The following ARB2A variants were observed in gnomAD, a reference collection of about 807,000 sequenced individuals.
ARB2A encodes cotranscriptional regulator ARB2A.
At chr5:93,764,485 C>T in the ARB2A span, among the ~76,000 whole-genome samples, 1 of 152,238 alleles carries the variant, frequency 6.6e-6, no homozygotes, top group African/African-American at 2.4e-5. Context: ...TACACCCTCC[C>T]AAGAATAAAC....
At chr5:93,778,473 A>G in the ARB2A span, among the ~76,000 whole-genome samples, 1 of 152,218 alleles carries the variant, frequency 6.6e-6, no homozygotes, top group Admixed American at 6.5e-5. Context: ...TTCAAAAATC[A>G]TGACTTCTAT....
At chr5:93,962,310 A>G in the ARB2A span, among the ~76,000 whole-genome samples, 1 of 152,156 alleles carries the variant, frequency 6.6e-6, no homozygotes, top group African/African-American at 2.4e-5. Context: ...CTACGTGAAA[A>G]TTTGTAGTGA....
the ARB2A span, among the ~76,000 whole-genome samples, chr5:94,064,955 C>T: frequency 6.6e-6 from 1 of 151,890 alleles, no homozygotes; most frequent in Admixed American, 6.6e-5. Context: ...CAAATGTTAC[C>T]ACTATAGAAA....
At chr5:93,916,735 A>G in the ARB2A span, among the ~76,000 whole-genome samples, 1 of 152,126 alleles carries the variant, frequency 6.6e-6, no homozygotes, top group Non-Finnish European at 1.5e-5. Flanking sequence ...ACAGCAAACT[A>G]GAGGAAACAT....
chr5:93,730,424 G>A, the ARB2A span, among the ~76,000 whole-genome samples: 1 of 151,808 alleles, frequency 6.6e-6, no homozygotes, highest in East Asian at 1.9e-4. Flanking sequence ...TATTTAGCAA[G>A]CAGACTGGTG....
At chr5:93,679,605 T>C in the ARB2A span, among the ~76,000 whole-genome samples, 1 of 152,066 alleles carries the variant, frequency 6.6e-6, no homozygotes, top group South Asian at 2.1e-4. Context: ...ATAGCTTAAG[T>C]TTAAAATAGT....
At chr5:94,080,745 G>T in the ARB2A span, among the ~76,000 whole-genome samples, 422 of 152,308 alleles carry the variant, frequency 2.8e-3, 3 homozygotes, top group African/African-American at 9.5e-3. Context: ...AGAGCTTGCT[G>T]CCAGGTTGGT....
the ARB2A span, among the ~76,000 whole-genome samples, chr5:93,713,624 C>G: frequency 6.6e-6 from 1 of 152,128 alleles, no homozygotes; most frequent in Non-Finnish European, 1.5e-5. Flanking sequence ...AATAACACTA[C>G]CACTGTGGAG....
the ARB2A span, among the ~76,000 whole-genome samples, chr5:94,013,173 GTTTTTTTTT>G: frequency 8.9e-6 from 1 of 112,540 alleles, no homozygotes. Context: ...TCAGTAAGTT[GTTTTTTTTT>G]TTTTTTTTTT....
the ARB2A span, among the ~76,000 whole-genome samples, chr5:93,681,882 G>GTT: frequency 2.6e-5 from 4 of 152,078 alleles, no homozygotes; most frequent in African/African-American, 9.7e-5. Context: ...ATACAGAGTG[G>GTT]TTTACAAAAA....
chr5:93,949,162 T>C, the ARB2A span, among the ~76,000 whole-genome samples: 1 of 152,066 alleles, frequency 6.6e-6, no homozygotes, highest in East Asian at 1.9e-4. Flanking sequence ...CTTTTTCTTT[T>C]AATTTTTGTA....
chr5:93,947,824 C>T, the ARB2A span, among the ~76,000 whole-genome samples: 13,602 of 150,442 alleles, frequency 0.09, 755 homozygotes, highest in Middle Eastern at 0.15. Context: ...ATTTCATCCA[C>T]GTCCCTACAA....
chr5:94,065,629 A>G, the ARB2A span, among the ~76,000 whole-genome samples: 1 of 152,206 alleles, frequency 6.6e-6, no homozygotes, highest in Non-Finnish European at 1.5e-5. Flanking sequence ...AAAAGAGACT[A>G]AGAAGGTCAT....
the ARB2A span, among the ~76,000 whole-genome samples, chr5:93,776,467 T>C: frequency 6.6e-6 from 1 of 152,244 alleles, no homozygotes; most frequent in Non-Finnish European, 1.5e-5. Context: ...CAACAAATCA[T>C]CTGTGCTGAT....
At chr5:93,820,455 G>C in the ARB2A span, among the ~76,000 whole-genome samples, 1 of 152,140 alleles carries the variant, frequency 6.6e-6, no homozygotes. Context: ...GTCAAAAACT[G>C]CATTGTTTTA....
the ARB2A span, among the ~76,000 whole-genome samples, chr5:94,011,880 AT>A: frequency 7.3e-6 from 1 of 137,292 alleles, no homozygotes; most frequent in African/African-American, 2.7e-5. Context: ...GGACAGAGTG[AT>A]TTAAAAAAAA....
At chr5:93,866,081 G>T in the ARB2A span, 1 of 983,972 alleles carries the variant, frequency 1.0e-6, no homozygotes, top group Non-Finnish European at 1.2e-6. Flanking sequence ...CCCAAATTCA[G>T]AGATGTTAAA....
At chr5:94,090,593 G>A in the ARB2A span, among the ~76,000 whole-genome samples, 80 of 152,230 alleles carry the variant, frequency 5.3e-4, no homozygotes, top group South Asian at 8.3e-4. Context: ...GGGCATCCTT[G>A]TCTTGTGCCA....
At chr5:93,713,442 G>A in the ARB2A span, among the ~76,000 whole-genome samples, 4 of 151,862 alleles carry the variant, frequency 2.6e-5, no homozygotes, top group African/African-American at 7.3e-5. Flanking sequence ...ATGGCCAAGA[G>A]GTACATAAAA....
Sources: allele counts gnomAD v4.1 joint callset (sites outside exome capture counted in the v4.1 genomes callset), GRCh38; gene constraint gnomAD v4.1.1; transcripts MANE v1.5; gene names NCBI Gene and HGNC (gene_info 2026-07-23, HGNC 2026-07-21).